CSMD1: variants seen among roughly 807,000 people sequenced by gnomAD.
The protein encoded by CSMD1 is CUB and sushi domain-containing protein 1.
In CSMD1, 213 loss-of-function variants were observed where a neutral mutation model predicts 417.5. The ratio of observed to expected loss-of-function variants is 0.51; its 90% CI spans 0.46 to 0.57. The LOEUF (loss-of-function observed/expected upper bound fraction) is 0.57. CSMD1 is among the 20% of genes least tolerant of loss of function. The probability of loss-of-function intolerance (pLI) is 0.00; values close to 1 mark genes in which losing one functional copy is unlikely to be tolerated. For synonymous variants in CSMD1, 2,862 were observed against 1,736.8 expected, an observed-to-expected ratio of 1.65 and a Z score of -16.11; for missense variants, 6,923 against 4,529.7, an observed-to-expected ratio of 1.53 and a Z score of -15.17.
rs73507954 is a variant in CSMD1 at position 4,913,964 on chromosome 8, T to A, written c.85+80368A>T. Among the ~76,000 whole-genome samples the A allele has an allele frequency of 2.6e-3, 392 of 152,348 alleles. 2 individuals carry two copies. Among genetic ancestry groups the A allele is most frequent in the African/African-American group, 9.0e-3 (375 of 41,582 alleles). ...TAGGGCTCTAATTAATTGTAGCCAA[T>A]TAAGATTTTAAACTATAAATTCTGT... On this transcript the variant is annotated intron_variant, in intron 1 of 69. Transcript: ENST00000635120.
intron 5 of CSMD1, among the ~76,000 whole-genome samples, chr8:3,893,862 AAC>A (rs1284615708): frequency 3.3e-5 from 5 of 152,110 alleles, no homozygotes; most frequent in Non-Finnish European, 1.5e-5. Flanking sequence ...AATAGTAAAA[AAC>A]ACACCCCTGG....
intron 1 of CSMD1, among the ~76,000 whole-genome samples, chr8:4,848,437 C>T (rs561709181): frequency 5.9e-5 from 9 of 152,246 alleles, no homozygotes; most frequent in South Asian, 4.1e-4. Context: ...AACATTGTAA[C>T]GCAGTGCATT....
At chr8:4,442,592 C>G (rs889381250) in intron 2 of CSMD1, among the ~76,000 whole-genome samples, 1 of 152,118 alleles carries the variant, frequency 6.6e-6, no homozygotes, top group Admixed American at 6.5e-5. Context: ...TAGCTCTTCC[C>G]CAAATTGGCT....
chr8:4,742,854 T>A (rs6989790), intron 1 of CSMD1, among the ~76,000 whole-genome samples: 27,654 of 152,122 alleles, frequency 0.18, 3,457 homozygotes, highest in African/African-American at 0.36. Context: ...GCAGTTACAA[T>A]TCTAACTTAA....
intron 1 of CSMD1, among the ~76,000 whole-genome samples, chr8:4,924,564 A>C (rs1056938387): frequency 1.3e-5 from 2 of 152,090 alleles, no homozygotes; most frequent in African/African-American, 2.4e-5. Flanking sequence ...TCTACTAAAA[A>C]TACAAAAATT....
intron 1 of CSMD1, among the ~76,000 whole-genome samples, chr8:4,970,249 G>C (rs781119701): frequency 2.0e-5 from 3 of 152,130 alleles, no homozygotes; most frequent in African/African-American, 7.2e-5. Flanking sequence ...AGCTGAGTAA[G>C]TTGTGAGTCT....
chr8:4,355,219 G>C (rs542014955), intron 3 of CSMD1, among the ~76,000 whole-genome samples: 1 of 151,778 alleles, frequency 6.6e-6, no homozygotes, highest in African/African-American at 2.4e-5. Flanking sequence ...CCGAGATCGC[G>C]CCACTGCACT....
At chr8:3,265,493 T>A (rs976814711) in intron 26 of CSMD1, among the ~76,000 whole-genome samples, 6 of 152,042 alleles carry the variant, frequency 3.9e-5, no homozygotes, top group Non-Finnish European at 7.4e-5. Flanking sequence ...CAACCTGTCA[T>A]GAGAACAGAA....
chr8:2,986,741 T>C (rs1456620685), intron 54 of CSMD1, among the ~76,000 whole-genome samples: 2 of 152,100 alleles, frequency 1.3e-5, no homozygotes, highest in African/African-American at 4.8e-5. Context: ...CCTGACCTCG[T>C]GATTCGCCTG....
At chr8:4,434,164 C>G (rs1798021522) in intron 2 of CSMD1, among the ~76,000 whole-genome samples, 1 of 152,104 alleles carries the variant, frequency 6.6e-6, no homozygotes, top group Non-Finnish European at 1.5e-5. Context: ...ATGGTGAAAA[C>G]CAGTCTCTAC....
rs1423085970 is a variant in CSMD1 at position 4,032,247 on chromosome 8, C to A, written c.416-148G>T. ...ATATTAATTGTTGCTAAAAAATAAA[C>A]TGAGAAAATGTCTTCAGGTTTTAGA... On this transcript the variant is annotated intron_variant, in intron 3 of 69. Transcript: ENST00000635120. 6 of 598,766 alleles carry A rather than the reference C, an allele frequency of 1.0e-5. No homozygotes were observed. The East Asian group carries it at 1.7e-4, about 17-fold the overall frequency. The allele number at this position is 598,766 out of a possible 1,614,324, so 37.1% of individuals were successfully genotyped here. A position where few individuals can be genotyped will look rare whatever the true frequency, so the allele number is the denominator to read the frequency against.
chr8:3,909,924 A>T (rs1393388661), intron 5 of CSMD1, among the ~76,000 whole-genome samples: 3 of 152,174 alleles, frequency 2.0e-5, no homozygotes, highest in Non-Finnish European at 4.4e-5. Flanking sequence ...TTGGACTCTA[A>T]TTAGACAAGG....
intron 1 of CSMD1, among the ~76,000 whole-genome samples, chr8:4,866,222 T>G (rs1316035038): frequency 6.6e-6 from 1 of 151,948 alleles, no homozygotes; most frequent in Non-Finnish European, 1.5e-5. Context: ...TATAAAAACT[T>G]AATGTACCAG....
chr8:4,120,444 C>G (rs1268751848), intron 3 of CSMD1, among the ~76,000 whole-genome samples: 2 of 152,222 alleles, frequency 1.3e-5, no homozygotes, highest in Non-Finnish European at 2.9e-5. Flanking sequence ...CTCCTCCTCT[C>G]TGTCTCATCC....
intron 44 of CSMD1, among the ~76,000 whole-genome samples, chr8:3,108,037 C>T (rs1816259139): frequency 6.6e-6 from 1 of 152,064 alleles, no homozygotes; most frequent in Non-Finnish European, 1.5e-5. Context: ...TTAAAGTATA[C>T]CATTTAAATA....
intron 5 of CSMD1, among the ~76,000 whole-genome samples, chr8:3,992,849 T>A (rs950346056): frequency 6.6e-6 from 1 of 152,264 alleles, no homozygotes; most frequent in Non-Finnish European, 1.5e-5. Context: ...CACTGCAGCA[T>A]TGCTGCGTGG....
intron 1 of CSMD1, among the ~76,000 whole-genome samples, chr8:4,985,999 GT>G (rs1811159972): frequency 6.6e-6 from 1 of 152,122 alleles, no homozygotes; most frequent in Non-Finnish European, 1.5e-5. Flanking sequence ...TCTTCTTTTT[GT>G]GAAGTGCCGA....
chr8:4,441,095 G>GTGTTTTTTTTTTTTTTTTTTT (rs1798443777), intron 2 of CSMD1, among the ~76,000 whole-genome samples: 1 of 51,296 alleles, frequency 1.9e-5, no homozygotes, highest in East Asian at 6.7e-4. Flanking sequence ...TAATCAAAAG[G>GTGTTTTTTTTTTTTTTTTTTT]TTTTTTTTTT....
chr8:4,524,506 G>A (rs1347927189), intron 2 of CSMD1, among the ~76,000 whole-genome samples: 2 of 151,916 alleles, frequency 1.3e-5, no homozygotes, highest in African/African-American at 4.8e-5. Context: ...GATATGTGAT[G>A]GGAAAACATG....
Sources: allele counts gnomAD v4.1 joint callset (sites outside exome capture counted in the v4.1 genomes callset), GRCh38; gene constraint gnomAD v4.1.1; transcripts MANE v1.5; gene names NCBI Gene and HGNC (gene_info 2026-07-23, HGNC 2026-07-21).